LOC102723971: variants seen among roughly 807,000 people sequenced by gnomAD.
At chr9:135,615,593 T>A in the LOC102723971 span, 1 of 397,894 alleles carries the variant, frequency 2.5e-6, no homozygotes, top group Non-Finnish European at 4.4e-6. Flanking sequence ...GAGGAACACA[T>A]CACACCAAGC....
chr9:135,618,750 G>A, the LOC102723971 span, among the ~76,000 whole-genome samples: 2 of 152,102 alleles, frequency 1.3e-5, no homozygotes, highest in South Asian at 2.1e-4. Context: ...CCCCCAAGGG[G>A]AGTGGGTTTC....
At chr9:135,614,523 G>A in the LOC102723971 span, among the ~76,000 whole-genome samples, 4 of 152,076 alleles carry the variant, frequency 2.6e-5, no homozygotes, top group African/African-American at 7.2e-5. Context: ...AGGCGGGAGC[G>A]GGCTCTGTCC....
chr9:135,619,701 G>A, the LOC102723971 span, among the ~76,000 whole-genome samples: 4 of 151,992 alleles, frequency 2.6e-5, no homozygotes, highest in South Asian at 2.1e-4. Flanking sequence ...TCTGAAGGGC[G>A]GCGCCCACTT....
At chr9:135,617,920 C>T in the LOC102723971 span, 1 of 398,638 alleles carries the variant, frequency 2.5e-6, no homozygotes, top group African/African-American at 2.1e-5. Context: ...CAGGCCTCAG[C>T]CCCTCACTGT....
the LOC102723971 span, among the ~76,000 whole-genome samples, chr9:135,616,426 T>C: frequency 5.5e-3 from 831 of 152,144 alleles, 4 homozygotes; most frequent in African/African-American, 0.019. Context: ...TGCCCTTGAG[T>C]CTGGGGAGCT....
the LOC102723971 span, among the ~76,000 whole-genome samples, chr9:135,614,674 G>T: frequency 6.6e-6 from 1 of 152,194 alleles, no homozygotes; most frequent in East Asian, 1.9e-4. Flanking sequence ...CCCAGACACT[G>T]GGCCCAGGCA....
the LOC102723971 span, among the ~76,000 whole-genome samples, chr9:135,619,785 G>A: frequency 6.6e-6 from 1 of 152,014 alleles, no homozygotes; most frequent in Non-Finnish European, 1.5e-5. Flanking sequence ...CTCAATACTT[G>A]TCGTCTGGAA....
the LOC102723971 span, among the ~76,000 whole-genome samples, chr9:135,619,771 G>A: frequency 6.6e-6 from 1 of 151,964 alleles, no homozygotes; most frequent in Non-Finnish European, 1.5e-5. Flanking sequence ...AATTGGGTCA[G>A]GGACTCAATA....
At chr9:135,619,229 G>A in the LOC102723971 span, among the ~76,000 whole-genome samples, 1 of 152,194 alleles carries the variant, frequency 6.6e-6, no homozygotes, top group Non-Finnish European at 1.5e-5. Context: ...GGCCAGCAGT[G>A]TGCCCCAGCC....
At chr9:135,617,117 C>T in the LOC102723971 span, 1 of 396,742 alleles carries the variant, frequency 2.5e-6, no homozygotes, top group South Asian at 1.4e-4. Context: ...CAGAGACTTG[C>T]TGTCCTGTCT....
the LOC102723971 span, among the ~76,000 whole-genome samples, chr9:135,617,747 A>G: frequency 6.6e-6 from 1 of 152,142 alleles, no homozygotes; most frequent in Non-Finnish European, 1.5e-5. Context: ...CGGTGCAATC[A>G]GAGCTGGCCG....
the LOC102723971 span, among the ~76,000 whole-genome samples, chr9:135,615,038 C>T: frequency 6.6e-6 from 1 of 152,190 alleles, no homozygotes; most frequent in African/African-American, 2.4e-5. Context: ...TCCACCTGGA[C>T]CCACAGATGG....
chr9:135,614,799 C>T, the LOC102723971 span, among the ~76,000 whole-genome samples: 1 of 152,068 alleles, frequency 6.6e-6, no homozygotes, highest in African/African-American at 2.4e-5. Context: ...TGTGTGGCCC[C>T]TGGGGTCCTG....
chr9:135,619,888 T>TA, the LOC102723971 span, among the ~76,000 whole-genome samples: 2 of 39,978 alleles, frequency 5.0e-5, no homozygotes, highest in African/African-American at 2.2e-4. Context: ...CTCCCCAATC[T>TA]CCCCCGTCTC....
At chr9:135,618,682 AGAG>A in the LOC102723971 span, among the ~76,000 whole-genome samples, 2 of 151,436 alleles carry the variant, frequency 1.3e-5, no homozygotes, top group Non-Finnish European at 2.9e-5. Flanking sequence ...GGAGCCAAGC[AGAG>A]GAGGGCAGGG....
chr9:135,617,770 C>T, the LOC102723971 span, among the ~76,000 whole-genome samples: 3 of 152,248 alleles, frequency 2.0e-5, no homozygotes, highest in South Asian at 2.1e-4. Context: ...CCTGGGAGGT[C>T]GCAGAGGGGG....
the LOC102723971 span, chr9:135,616,799 T>G: frequency 2.5e-6 from 1 of 398,226 alleles, no homozygotes; most frequent in South Asian, 1.3e-4. Context: ...GGAAGGAAGC[T>G]GTGCATCCTC....
chr9:135,614,537 C>T, the LOC102723971 span, among the ~76,000 whole-genome samples: 7 of 152,238 alleles, frequency 4.6e-5, no homozygotes, highest in East Asian at 7.7e-4. Flanking sequence ...TCTGTCCTCC[C>T]GCGCAGCCAG....
the LOC102723971 span, among the ~76,000 whole-genome samples, chr9:135,619,720 G>A: frequency 8.4e-3 from 1,278 of 152,048 alleles, 16 homozygotes; most frequent in African/African-American, 0.03. Context: ...TTCTGCACCC[G>A]GTGAGCCAGG....
Sources: allele counts gnomAD v4.1 joint callset (sites outside exome capture counted in the v4.1 genomes callset), GRCh38; gene constraint gnomAD v4.1.1; transcripts MANE v1.5.